Variants in TLCD4 observed in about 807,000 individuals in gnomAD.
TLCD4 encodes TLC domain containing 4.
Under a neutral mutation model 24.2 loss-of-function variants are expected in TLCD4, and 7 were observed. That is an observed-to-expected ratio of 0.29 (90% CI 0.16 to 0.54). The LOEUF (loss-of-function observed/expected upper bound fraction) is 0.54, where lower values mean the gene tolerates loss of function less well. Ranked by LOEUF, TLCD4 falls within the 20% of genes least tolerant of loss-of-function variation. The probability of loss-of-function intolerance (pLI) is 0.95; values close to 1 mark genes in which losing one functional copy is unlikely to be tolerated. For synonymous variants in TLCD4, 103 were observed against 106.4 expected, an observed-to-expected ratio of 0.97 and a Z score of 0.20; for missense variants, 259 against 313.9, an observed-to-expected ratio of 0.82 and a Z score of 1.32.
At chr1:95,173,976 C>T (rs1212688392) in intron 6 of TLCD4, 87 bp downstream of exon 6, 3 of 1,556,284 alleles carry the variant, frequency 1.9e-6, no homozygotes, top group Non-Finnish European at 2.6e-6. Context: ...CCTCAAGTTA[C>T]TATATAAAAG....
chr1:95,192,422 A>T lies in TLCD4; in HGVS notation c.*554A>T, dbSNP rs1679057605. The T allele has an allele frequency of 6.6e-6, 1 of 152,512 alleles. No homozygotes were observed. 9.4% of individuals were successfully genotyped at this position (152,512 alleles called of 1,614,324 possible). A position where few individuals can be genotyped will look rare whatever the true frequency, so the allele number is the denominator to read the frequency against. ...AATCTTAAAGGTTTAAATAAAAATG[A>T]TCAATATAATGGTGAATCTTTTGAG... On this transcript the variant is annotated 3_prime_UTR_variant, in exon 7 of 7. Coordinates refer to ENST00000370203, the MANE Select transcript of TLCD4 (RefSeq NM_152487.3).
chr1:95,155,750 GTTT>G (rs35423088), intron 5 of TLCD4, among the ~76,000 whole-genome samples: 43 of 143,840 alleles, frequency 3.0e-4, no homozygotes, highest in Non-Finnish European at 3.8e-4. Context: ...ACTCACAGAG[GTTT>G]TTTTTTTTTT....
chr1:95,146,114 G>T (rs1273649296), intron 2 of TLCD4, among the ~76,000 whole-genome samples: 1 of 151,338 alleles, frequency 6.6e-6, no homozygotes, highest in Non-Finnish European at 1.5e-5. Context: ...CTAGTGATCA[G>T]GAAAGAGTCT....
At chr1:95,106,466 C>T in the TLCD4 span, among the ~76,000 whole-genome samples, 2 of 152,098 alleles carry the variant, frequency 1.3e-5, no homozygotes, top group South Asian at 2.1e-4. Flanking sequence ...TTTGGCAGGC[C>T]GAGGCGGGTG....
chr1:95,126,229 C>T (rs917800899), intron 1 of TLCD4, among the ~76,000 whole-genome samples: 1 of 151,884 alleles, frequency 6.6e-6, no homozygotes, highest in African/African-American at 2.4e-5. Context: ...GAGTTTAAGA[C>T]CAGCCTGGCC....
At chr1:95,136,039 G>GTT (rs58511423) in intron 1 of TLCD4, among the ~76,000 whole-genome samples, 7,200 of 147,188 alleles carry the variant, frequency 0.049, 197 homozygotes, top group African/African-American at 0.088. Flanking sequence ...AAGTTTTCAA[G>GTT]TTTTTTTTTT....
At chr1:95,104,334 C>G in the TLCD4 span, among the ~76,000 whole-genome samples, 2 of 152,070 alleles carry the variant, frequency 1.3e-5, no homozygotes, top group Admixed American at 6.6e-5. Context: ...TGTGTACTGA[C>G]GAACCCATCA....
chr1:95,153,715 G>A (rs1343391116), intron 5 of TLCD4, among the ~76,000 whole-genome samples: 1 of 152,132 alleles, frequency 6.6e-6, no homozygotes, highest in Admixed American at 6.6e-5. Context: ...AGAGCTGCTA[G>A]TTAACTGTAG....
At chr1:95,176,515 A>G (rs1678438066) in intron 6 of TLCD4, among the ~76,000 whole-genome samples, 1 of 152,138 alleles carries the variant, frequency 6.6e-6, no homozygotes, top group Non-Finnish European at 1.5e-5. Flanking sequence ...AAATTGGGTT[A>G]TTTATTTTGT....
chr1:95,129,405 C>T (rs934586517), intron 1 of TLCD4, among the ~76,000 whole-genome samples: 1 of 152,162 alleles, frequency 6.6e-6, no homozygotes, highest in Non-Finnish European at 1.5e-5. Context: ...TAGCCATGAG[C>T]AATTCCTTGT....
chr1:95,095,444 C>T, the TLCD4 span, among the ~76,000 whole-genome samples: 1 of 152,076 alleles, frequency 6.6e-6, no homozygotes, highest in Admixed American at 6.5e-5. Flanking sequence ...GTCTCCCAGG[C>T]TGGAGTGCAG....
chr1:95,171,812 T>C (rs1460758619), intron 5 of TLCD4, among the ~76,000 whole-genome samples: 1 of 152,164 alleles, frequency 6.6e-6, no homozygotes, highest in East Asian at 1.9e-4. Context: ...CCCTCCAAAA[T>C]TCATAGGTTG....
upstream of TLCD4, among the ~76,000 whole-genome samples, chr1:95,114,108 G>A (rs535246630): frequency 5.1e-4 from 77 of 152,272 alleles, 1 homozygote; most frequent in South Asian, 0.016. Context: ...TACCCAGGCT[G>A]GAGTGCAGTG....
chr1:95,130,001 A>G (rs543059599), intron 1 of TLCD4, among the ~76,000 whole-genome samples: 6 of 152,308 alleles, frequency 3.9e-5, no homozygotes, highest in African/African-American at 9.6e-5. Context: ...CTTTTTCCCT[A>G]TATGTCTCTT....
At chr1:95,185,758 A>G (rs1288377686) in intron 6 of TLCD4, among the ~76,000 whole-genome samples, 1 of 152,250 alleles carries the variant, frequency 6.6e-6, no homozygotes, top group East Asian at 1.9e-4. Flanking sequence ...AACATAAAAT[A>G]ATGTTAATTG....
intron 6 of TLCD4, among the ~76,000 whole-genome samples, chr1:95,181,651 C>T (rs983728228): frequency 6.6e-6 from 1 of 151,450 alleles, no homozygotes; most frequent in Non-Finnish European, 1.5e-5. Flanking sequence ...GGCTGGAGTG[C>T]CGTGGTGCGA....
At chr1:95,119,513 A>G (rs985729291) in intron 1 of TLCD4, among the ~76,000 whole-genome samples, 3 of 152,200 alleles carry the variant, frequency 2.0e-5, no homozygotes, top group African/African-American at 7.2e-5. Flanking sequence ...CTAGATTCCC[A>G]ATTGAGAAAT....
intron 1 of TLCD4, among the ~76,000 whole-genome samples, chr1:95,129,692 A>C (rs1676835232): frequency 6.6e-6 from 1 of 152,210 alleles, no homozygotes; most frequent in Non-Finnish European, 1.5e-5. Flanking sequence ...CAGTGAACCG[A>C]GATCGTGCCA....
chr1:95,111,959 C>T, the TLCD4 span, among the ~76,000 whole-genome samples: 1 of 152,088 alleles, frequency 6.6e-6, no homozygotes, highest in Admixed American at 6.5e-5. Flanking sequence ...TTGGAAATGA[C>T]AAATGTGTTT....
Sources: allele counts gnomAD v4.1 joint callset (sites outside exome capture counted in the v4.1 genomes callset), GRCh38; gene constraint gnomAD v4.1.1; transcripts MANE v1.5; gene names NCBI Gene and HGNC (gene_info 2026-07-23, HGNC 2026-07-21).